The following WDFY4 variants were observed in gnomAD, a reference collection of about 807,000 sequenced individuals.
WDFY4 encodes WDFY family member 4, also known as WD repeat- and FYVE domain-containing protein 4.
Under a neutral mutation model 351.9 loss-of-function variants are expected in WDFY4, and 169 were observed. The ratio of observed to expected loss-of-function variants is 0.48; its 90% confidence interval spans 0.42 to 0.55. WDFY4 has a LOEUF of 0.55. Among genes scored for constraint, WDFY4 ranks in the 20% least tolerant of loss-of-function variants. WDFY4 has a pLI of 0.00. For synonymous variants in WDFY4, 1,622 were observed against 1,574.6 expected, an observed-to-expected ratio of 1.03 and a Z score of -0.71; for missense variants, 3,803 against 3,935.6, an observed-to-expected ratio of 0.97 and a Z score of 0.90.
intron 20 of WDFY4, among the ~76,000 whole-genome samples, chr10:48,787,208 T>C (rs1174624673): frequency 6.6e-6 from 1 of 152,228 alleles, no homozygotes; most frequent in Non-Finnish European, 1.5e-5. Context: ...ACTTCAATTA[T>C]TAAACAGGCA....
At chr10:48,964,931 G>A (rs1317526791) in intron 54 of WDFY4, among the ~76,000 whole-genome samples, 1 of 152,070 alleles carries the variant, frequency 6.6e-6, no homozygotes, top group Non-Finnish European at 1.5e-5. Flanking sequence ...CTTTCTCTCT[G>A]GTCTCACATG....
At chr10:48,753,778 TG>T (rs1387829234) in intron 12 of WDFY4, among the ~76,000 whole-genome samples, 3 of 152,242 alleles carry the variant, frequency 2.0e-5, no homozygotes, top group African/African-American at 7.2e-5. Flanking sequence ...TTTTGAACTC[TG>T]GAAATGTGAG....
At chr10:48,691,833 C>T (rs764608809) in intron 1 of WDFY4, among the ~76,000 whole-genome samples, 3 of 152,164 alleles carry the variant, frequency 2.0e-5, no homozygotes, top group East Asian at 1.9e-4. Flanking sequence ...CAATTAGTAA[C>T]GTTAAAACAC....
chr10:48,937,035 A>G (rs982299103), intron 47 of WDFY4, among the ~76,000 whole-genome samples: 1 of 151,540 alleles, frequency 6.6e-6, no homozygotes, highest in Non-Finnish European at 1.5e-5. Context: ...CTGGGATTAC[A>G]GGCACCCACC....
chr10:48,824,528 T>A (rs1483291070), intron 35 of WDFY4, among the ~76,000 whole-genome samples: 1 of 152,222 alleles, frequency 6.6e-6, no homozygotes, highest in Admixed American at 6.5e-5. Flanking sequence ...AACTTTCAAC[T>A]TTTTTTAACA....
At chr10:48,798,313 A>C (rs1463971863) in intron 24 of WDFY4, among the ~76,000 whole-genome samples, 1 of 152,154 alleles carries the variant, frequency 6.6e-6, no homozygotes, top group African/African-American at 2.4e-5. Context: ...ATAAATTAAT[A>C]AAATAGGAAA....
intron 44 of WDFY4, 119 bp downstream of exon 44, chr10:48,890,846 C>T: frequency 7.2e-7 from 1 of 1,389,264 alleles, no homozygotes; most frequent in Non-Finnish European, 9.8e-7. Flanking sequence ...GGGCCTGAAA[C>T]TGAGCCATGA....
chr10:48,819,693 G>A (rs1480624035), intron 32 of WDFY4, among the ~76,000 whole-genome samples: 1 of 152,144 alleles, frequency 6.6e-6, no homozygotes, highest in Non-Finnish European at 1.5e-5. Context: ...AGAAATTAGA[G>A]GAAAGAACTC....
chr10:48,790,006 T>A (rs373036631), intron 22 of WDFY4, 21 bp downstream of exon 22: 25 of 1,549,732 alleles, frequency 1.6e-5, no homozygotes, highest in Non-Finnish European at 2.1e-5. Flanking sequence ...CTGGGAAGCT[T>A]TGCCGCTATT....
chr10:48,787,941 T>TCTTCTC lies in WDFY4; in HGVS notation c.3809-584_3809-583insCCTTCT, dbSNP rs1565199059. Among the ~76,000 whole-genome samples the TCTTCTC allele has an allele frequency of 7.3e-4, 71 of 96,998 alleles. 2 individuals carry two copies. Among genetic ancestry groups the TCTTCTC allele is most frequent in the Non-Finnish European group, 1.1e-3 (56 of 48,922 alleles). The allele number at this position is 96,998 out of a possible 152,430, so 63.6% of individuals were successfully genotyped here. On this transcript the variant is annotated intron_variant, in intron 20 of 61. Coordinates refer to ENST00000325239, the MANE Select transcript of WDFY4 (RefSeq NM_001394531.1). ...TTCTTCTTCTTCTTCTTCTTCTTCTTCTTCTTCTTCTTCTTCTTCTTCTTC... is the reference window on the plus strand; with the variant it reads ...TTCTTCTTCTTCTTCTTCTTCTTCTTCTTCTCCTTCTTCTTCTTCTTCTTCTTCTTC...
At chr10:48,748,463 A>G (rs2065078231) in intron 12 of WDFY4, among the ~76,000 whole-genome samples, 1 of 152,172 alleles carries the variant, frequency 6.6e-6, no homozygotes, top group African/African-American at 2.4e-5. Context: ...GTATGTGCAC[A>G]CACGTGTGTG....
At chr10:48,912,254 A>T (rs1016841304) in intron 47 of WDFY4, among the ~76,000 whole-genome samples, 1 of 152,214 alleles carries the variant, frequency 6.6e-6, no homozygotes, top group African/African-American at 2.4e-5. Context: ...GCAATGAACT[A>T]AGTTATGGTT....
chr10:48,695,819 C>G (rs2063316908), intron 1 of WDFY4, among the ~76,000 whole-genome samples: 2 of 152,122 alleles, frequency 1.3e-5, no homozygotes, highest in Admixed American at 1.3e-4. Flanking sequence ...AGGGGAACTG[C>G]TCCCTGGCCA....
intron 12 of WDFY4, among the ~76,000 whole-genome samples, chr10:48,756,875 T>C (rs996088943): frequency 2.0e-5 from 3 of 152,084 alleles, no homozygotes; most frequent in Admixed American, 1.3e-4. Flanking sequence ...CTATGTTCAT[T>C]AGGTATACTG....
rs571121585 is a variant in WDFY4 at position 48,910,259 on chromosome 10, C to G, written c.7586+8396C>G. 1.9e-5 allele frequency: 29 copies of G among 1,534,238 alleles called. No homozygotes were observed. The South Asian group carries it at 3.1e-4, about 16-fold the overall frequency. ...ACTCTAGGAAGATGTCAAGCGTATTCTGGGGATGGAGACACAAGAAGGTGA... is the reference window on the plus strand; with the variant it reads ...ACTCTAGGAAGATGTCAAGCGTATTGTGGGGATGGAGACACAAGAAGGTGA... On this transcript the variant is annotated intron_variant, in intron 47 of 61. Coordinates refer to ENST00000325239, the MANE Select transcript of WDFY4 (RefSeq NM_001394531.1).
intron 12 of WDFY4, among the ~76,000 whole-genome samples, chr10:48,746,813 A>G (rs2065029242): frequency 6.6e-6 from 1 of 152,088 alleles, no homozygotes; most frequent in African/African-American, 2.4e-5. Context: ...AGACCTTAAA[A>G]CTCAAATATT....
At chr10:48,864,598 CTT>C (rs1206109409) in intron 39 of WDFY4, among the ~76,000 whole-genome samples, 2 of 152,184 alleles carry the variant, frequency 1.3e-5, no homozygotes, top group East Asian at 3.9e-4. Context: ...TGAAGATTGA[CTT>C]TTCAATTTTT....
rs764910262 is a variant in WDFY4 at position 48,896,326 on chromosome 10, C to T, written c.7317-1128C>T. Among the ~76,000 whole-genome samples, 30 of 152,202 alleles carry T rather than the reference C, an allele frequency of 2.0e-4. 1 individual carries two copies. Among genetic ancestry groups the T allele is most frequent in the Non-Finnish European group, 3.8e-4 (26 of 68,030 alleles). ...ACCTTGACCTGGGATGTGGTTTGAC[C>T]TAAGCCAAGGGTAGGAAGGAGAATT... On this transcript the variant is annotated intron_variant, in intron 44 of 61. Transcript: ENST00000325239.
intron 20 of WDFY4, 80 bp from the exon 21 acceptor site, chr10:48,788,450 C>T (rs540403205): frequency 4.3e-4 from 630 of 1,458,434 alleles, no homozygotes; most frequent in Non-Finnish European, 5.5e-4. Flanking sequence ...TGCTGTGTGA[C>T]AGAGATATTA....
Sources: allele counts gnomAD v4.1 joint callset (sites outside exome capture counted in the v4.1 genomes callset), GRCh38; gene constraint gnomAD v4.1.1; transcripts MANE v1.5; gene names NCBI Gene and HGNC (gene_info 2026-07-23, HGNC 2026-07-21).